The following ANKS1B variants were observed in gnomAD, a reference collection of about 807,000 sequenced individuals.
ANKS1B encodes ankyrin repeat and sterile alpha motif domain-containing protein 1B.
A neutral mutation model predicts 148.3 loss-of-function variants in ANKS1B; 36 were observed. The observed-to-expected ratio is 0.24, with a 90% CI of 0.19 to 0.32. ANKS1B has a LOEUF of 0.32. ANKS1B is among the 10% of genes least tolerant of loss of function. The pLI is 1.00. For missense variants in ANKS1B, 1,157 were observed against 1,542.6 expected (o/e 0.75, Z 4.19); for synonymous variants, 542 against 560.8 (o/e 0.97, Z 0.47).
intron 9 of ANKS1B, among the ~76,000 whole-genome samples, chr12:99,532,275 A>G (rs1256565307): frequency 6.6e-6 from 1 of 151,050 alleles, no homozygotes; most frequent in East Asian, 1.9e-4. Flanking sequence ...CGAAGGCAAT[A>G]TCCAGAAGAG....
chr12:99,757,358 T>G (rs1485587743), intron 8 of ANKS1B, among the ~76,000 whole-genome samples: 1 of 152,056 alleles, frequency 6.6e-6, no homozygotes, highest in African/African-American at 2.4e-5. Context: ...GCAACATCAC[T>G]GATCATTAGA....
chr12:99,959,668 C>T (rs2095380586), intron 1 of ANKS1B, among the ~76,000 whole-genome samples: 1 of 151,862 alleles, frequency 6.6e-6, no homozygotes, highest in African/African-American at 2.4e-5. Context: ...GTTTTCATGG[C>T]CAAAAAAAAG....
At chr12:99,220,883 G>A (rs2085016609) in intron 14 of ANKS1B, among the ~76,000 whole-genome samples, 1 of 151,958 alleles carries the variant, frequency 6.6e-6, no homozygotes, top group Non-Finnish European at 1.5e-5. Context: ...AAATTACATA[G>A]ATCAAATATA....
chr12:99,374,049 T>TTTCA (rs1374838193), intron 12 of ANKS1B, among the ~76,000 whole-genome samples: 7 of 152,214 alleles, frequency 4.6e-5, no homozygotes, highest in Admixed American at 3.9e-4. Flanking sequence ...TTCCTTACAA[T>TTTCA]TTCAGTCTCA....
chr12:99,064,352 AT>A (rs1277024998), intron 16 of ANKS1B, among the ~76,000 whole-genome samples: 4 of 152,204 alleles, frequency 2.6e-5, no homozygotes, highest in African/African-American at 9.7e-5. Context: ...AAGTGAAGCA[AT>A]GGACAGCAAT....
chr12:98,913,553 A>G (rs940776549), intron 17 of ANKS1B, among the ~76,000 whole-genome samples: 1 of 152,168 alleles, frequency 6.6e-6, no homozygotes, highest in Non-Finnish European at 1.5e-5. Flanking sequence ...CTCAGTGTAC[A>G]TCTCCAGCTC....
At chr12:98,894,991 A>AGCG (rs555983816) in intron 17 of ANKS1B, 89,012 of 715,148 alleles carry the variant, frequency 0.12, 6,181 homozygotes, top group Non-Finnish European at 0.13. Context: ...CCCTGGCGGC[A>AGCG]GCGGCGGCGG....
At chr12:99,697,791 C>A (rs1276140777) in intron 8 of ANKS1B, among the ~76,000 whole-genome samples, 1 of 152,046 alleles carries the variant, frequency 6.6e-6, no homozygotes, top group African/African-American at 2.4e-5. Flanking sequence ...ACAAATATAC[C>A]ACATTAATGT....
intron 1 of ANKS1B, among the ~76,000 whole-genome samples, chr12:99,969,460 G>A (rs4764644): frequency 0.012 from 1,798 of 152,122 alleles, 103 homozygotes; most frequent in Admixed American, 0.094. Flanking sequence ...CTGGGATTAC[G>A]GGTGTGAGTC....
At position 98,901,878 on chromosome 12, in the gene ANKS1B, CT is replaced by C. The variant is rs559869908; in HGVS notation, c.2779-69743del. On this transcript the variant is annotated intron_variant, in intron 17 of 26. Transcript: ENST00000683438. The stretch of plus-strand genomic sequence containing the variant: ...GCGTGGCTCTTCCTTATACTCAAGG[CT>C]TTTTTTTGCCATTAATGAGAAGTAA... Among the ~76,000 whole-genome samples, 347 of 151,934 alleles carry C rather than the reference CT, an allele frequency of 2.3e-3. 3 individuals carry two copies. The highest frequency in any genetic ancestry group is 8.1e-3 in the African/African-American group (334 of 41,422).
chr12:99,442,232 G>A (rs549692246), intron 11 of ANKS1B, among the ~76,000 whole-genome samples: 67 of 151,970 alleles, frequency 4.4e-4, no homozygotes, highest in African/African-American at 1.6e-3. Flanking sequence ...GTGTCACTAT[G>A]TTACCCAGAC....
chr12:98,923,674 G>T (rs907800185), intron 17 of ANKS1B, among the ~76,000 whole-genome samples: 2 of 152,112 alleles, frequency 1.3e-5, no homozygotes, highest in Non-Finnish European at 2.9e-5. Flanking sequence ...TCACTTCATT[G>T]CTGCTTCCCA....
chr12:99,360,800 C>T (rs2092403889), intron 12 of ANKS1B, among the ~76,000 whole-genome samples: 1 of 152,042 alleles, frequency 6.6e-6, no homozygotes, highest in African/African-American at 2.4e-5. Context: ...TTGTTGTAAG[C>T]CATTAAGATT....
intron 12 of ANKS1B, among the ~76,000 whole-genome samples, chr12:99,279,405 T>C (rs2078093469): frequency 6.6e-6 from 1 of 152,164 alleles, no homozygotes; most frequent in Non-Finnish European, 1.5e-5. Context: ...TCCCATAATC[T>C]AATTGTAGAA....
At chr12:99,971,134 T>C (rs1404125039) in intron 1 of ANKS1B, among the ~76,000 whole-genome samples, 2 of 152,184 alleles carry the variant, frequency 1.3e-5, no homozygotes, top group African/African-American at 4.8e-5. Flanking sequence ...CTTTGTCTAA[T>C]ATATACATAT....
intron 9 of ANKS1B, among the ~76,000 whole-genome samples, chr12:99,625,235 G>A (rs2098099536): frequency 6.6e-6 from 1 of 152,048 alleles, no homozygotes; most frequent in Non-Finnish European, 1.5e-5. Flanking sequence ...CAGACACTGG[G>A]GAGGGAAGGA....
In ANKS1B at chr12:98,745,722, C is replaced by A; in HGVS notation, c.*17G>T. The A allele has an allele frequency of 6.2e-7, 1 of 1,612,342 alleles. No individual in the cohort carries two copies. Among genetic ancestry groups the A allele is most frequent in the Middle Eastern group, 1.7e-4 (1 of 6,052 alleles). ...CTTGGCGAGCAAGGCACCGCGAGGA[C>A]AGGAGGACGGCGAGTATCAGAAAAT... On this transcript the variant is annotated 3_prime_UTR_variant, in exon 27 of 27. Transcript: ENST00000683438.
At chr12:98,929,778 C>T (rs940197112) in intron 17 of ANKS1B, among the ~76,000 whole-genome samples, 7 of 151,924 alleles carry the variant, frequency 4.6e-5, no homozygotes, top group African/African-American at 7.2e-5. Context: ...ACATGATTCA[C>T]AAAAATTAAC....
chr12:99,676,267 A>G (rs1339012550), intron 8 of ANKS1B, among the ~76,000 whole-genome samples: 13 of 152,200 alleles, frequency 8.5e-5, no homozygotes, highest in Admixed American at 8.5e-4. Flanking sequence ...AGTCTTGGGT[A>G]TGTCTTGATA....
Sources: allele counts gnomAD v4.1 joint callset (sites outside exome capture counted in the v4.1 genomes callset), GRCh38; gene constraint gnomAD v4.1.1; transcripts MANE v1.5; gene names NCBI Gene and HGNC (gene_info 2026-07-23, HGNC 2026-07-21).